Variants in GMDS observed in about 807,000 individuals in gnomAD.
The protein encoded by GMDS is GDP-mannose 4,6 dehydratase.
Under a neutral mutation model 49.9 loss-of-function variants are expected in GMDS, and 20 were observed. The ratio of observed to expected loss-of-function variants is 0.40; its 90% CI spans 0.28 to 0.58. GMDS has a LOEUF of 0.58. GMDS is among the 20% of genes least tolerant of loss of function. The pLI is 0.42. For synonymous variants in GMDS, 177 were observed against 178.6 expected, an observed-to-expected ratio of 0.99 and a Z score of 0.07; for missense variants, 362 against 481.4, an observed-to-expected ratio of 0.75 and a Z score of 2.32.
rs541191367 is a variant in GMDS at position 2,052,351 on chromosome 6, G to A, written c.345+63420C>T. ...TAGTACTTTTAGCTTTAAAGTCCCT[G>A]TATTTTCTGATATTTAAGACTTCGG... On this transcript the variant is annotated intron_variant, in intron 4 of 10. Coordinates refer to ENST00000380815, the MANE Select transcript of GMDS (RefSeq NM_001500.4). 3.9e-5 allele frequency among the ~76,000 whole-genome samples: 6 copies of A among 152,088 alleles called. No individual in the cohort carries two copies. The South Asian group carries it at 1.0e-3, about 26-fold the overall frequency.
chr6:2,047,978 T>A (rs1171056234), intron 4 of GMDS, among the ~76,000 whole-genome samples: 1 of 152,206 alleles, frequency 6.6e-6, no homozygotes, highest in African/African-American at 2.4e-5. Context: ...AATGTTTCCA[T>A]AATGCTATAC....
At chr6:1,922,524 C>A (rs1374769684) in intron 7 of GMDS, among the ~76,000 whole-genome samples, 1 of 152,220 alleles carries the variant, frequency 6.6e-6, no homozygotes, top group Non-Finnish European at 1.5e-5. Flanking sequence ...AACTCTACTC[C>A]TGTTTGCCCA....
chr6:1,740,417 C>T (rs1255104613), intron 8 of GMDS, among the ~76,000 whole-genome samples: 15 of 151,876 alleles, frequency 9.9e-5, no homozygotes, highest in East Asian at 7.7e-4. Flanking sequence ...ATTAGATGGG[C>T]GTGGTGGTCC....
chr6:1,688,260 A>G (rs1172898252), intron 9 of GMDS, among the ~76,000 whole-genome samples: 1 of 152,230 alleles, frequency 6.6e-6, no homozygotes, highest in Non-Finnish European at 1.5e-5. Context: ...TTTGCTGAGC[A>G]CCTACTAAGT....
chr6:2,184,428 T>TA, intron 1 of GMDS, among the ~76,000 whole-genome samples: 1 of 152,284 alleles, frequency 6.6e-6, no homozygotes, highest in South Asian at 2.1e-4. Flanking sequence ...TCTTCCTCAT[T>TA]ATACTCCTGG....
intron 7 of GMDS, among the ~76,000 whole-genome samples, chr6:1,827,153 G>GCACACA (rs549906355): frequency 2.3e-5 from 3 of 130,654 alleles, no homozygotes; most frequent in Non-Finnish European, 4.9e-5. Flanking sequence ...ATATATATAT[G>GCACACA]CACACACACA....
chr6:1,880,508 G>A (rs1214288545), intron 7 of GMDS, among the ~76,000 whole-genome samples: 1 of 151,986 alleles, frequency 6.6e-6, no homozygotes, highest in Non-Finnish European at 1.5e-5. Context: ...GCTACGTTGA[G>A]GGCTTACTAC....
At chr6:2,237,009 A>G (rs946780307) in intron 1 of GMDS, among the ~76,000 whole-genome samples, 1 of 152,146 alleles carries the variant, frequency 6.6e-6, no homozygotes, top group Non-Finnish European at 1.5e-5. Flanking sequence ...AGATCTGAGA[A>G]AGGATTCCCC....
chr6:2,133,567 A>G (rs1399454172), intron 1 of GMDS, among the ~76,000 whole-genome samples: 1 of 152,230 alleles, frequency 6.6e-6, no homozygotes, highest in African/African-American at 2.4e-5. Flanking sequence ...TGTGCAGGTC[A>G]TGATAGAAAT....
At chr6:2,031,758 T>C (rs1402595104) in intron 4 of GMDS, among the ~76,000 whole-genome samples, 2 of 152,068 alleles carry the variant, frequency 1.3e-5, no homozygotes, top group African/African-American at 2.4e-5. Context: ...AGGAGCAGAG[T>C]GACTGTGGGC....
intron 1 of GMDS, among the ~76,000 whole-genome samples, chr6:2,184,008 A>G (rs996686384): frequency 1.3e-5 from 2 of 152,228 alleles, no homozygotes; most frequent in Admixed American, 1.3e-4. Context: ...TAAGTTATAT[A>G]TAACTTGTAT....
chr6:1,945,419 C>CA (rs1561912398), intron 6 of GMDS, among the ~76,000 whole-genome samples: 1 of 151,746 alleles, frequency 6.6e-6, no homozygotes, highest in Admixed American at 6.6e-5. Context: ...AGGTAATGAG[C>CA]AAAAAAAGCA....
intron 7 of GMDS, among the ~76,000 whole-genome samples, chr6:1,786,733 A>G (rs1254289174): frequency 6.6e-6 from 1 of 152,086 alleles, no homozygotes; most frequent in African/African-American, 2.4e-5. Flanking sequence ...GAGCTGTGGC[A>G]TCTCCTAAAT....
At chr6:1,865,335 G>C (rs1041386653) in intron 7 of GMDS, among the ~76,000 whole-genome samples, 3 of 152,136 alleles carry the variant, frequency 2.0e-5, no homozygotes, top group Non-Finnish European at 4.4e-5. Flanking sequence ...GTCAAGTCTA[G>C]TACAGAATTG....
At position 2,124,743 on chromosome 6, in the gene GMDS, G is replaced by GA. The variant is rs757572662; in HGVS notation, c.103-13dup. ...AGGTAGGAACCATCCTGGGGAGAAA[G>GA]AAAAAATTGCAAAACGTCAGTCTCA... On this transcript the variant is annotated splice_polypyrimidine_tract_variant and intron_variant, in intron 1 of 10. Coordinates refer to ENST00000380815, the MANE Select transcript of GMDS (RefSeq NM_001500.4). 5 of 1,610,500 alleles carry GA rather than the reference G, an allele frequency of 3.1e-6. No homozygotes were observed. The highest frequency in any genetic ancestry group is 2.7e-5 in the African/African-American group (2 of 74,840).
chr6:2,009,908 C>T (rs1441295876), intron 4 of GMDS, among the ~76,000 whole-genome samples: 2 of 152,088 alleles, frequency 1.3e-5, no homozygotes, highest in Non-Finnish European at 2.9e-5. Flanking sequence ...GTCTAACATG[C>T]TATTGAAATA....
At chr6:1,763,218 G>A (rs559458241) in intron 7 of GMDS, among the ~76,000 whole-genome samples, 2 of 152,346 alleles carry the variant, frequency 1.3e-5, no homozygotes, top group South Asian at 2.1e-4. Context: ...AAAGAAACCA[G>A]TGTCTTTTCC....
intron 1 of GMDS, among the ~76,000 whole-genome samples, chr6:2,201,527 G>A (rs1383896386): frequency 2.1e-4 from 23 of 110,978 alleles, no homozygotes; most frequent in Middle Eastern, 6.0e-3. Context: ...TGAAGAGAGA[G>A]CACCACATGG....
intron 7 of GMDS, among the ~76,000 whole-genome samples, chr6:1,926,279 A>T (rs12215689): frequency 0.026 from 3,897 of 152,318 alleles, 162 homozygotes; most frequent in East Asian, 0.18. Context: ...ATGGATGGCT[A>T]AACTGAAAGA....
Sources: allele counts gnomAD v4.1 joint callset (sites outside exome capture counted in the v4.1 genomes callset), GRCh38; gene constraint gnomAD v4.1.1; transcripts MANE v1.5; gene names NCBI Gene and HGNC (gene_info 2026-07-23, HGNC 2026-07-21).